Variants in DOCK5 observed in about 807,000 individuals in gnomAD.
DOCK5 encodes dedicator of cytokinesis protein 5.
In DOCK5, 142 loss-of-function variants were observed where a neutral mutation model predicts 251.8. The observed-to-expected ratio is 0.56, with a 90% confidence interval of 0.49 to 0.65. The LOEUF is 0.65. Ranked by LOEUF, DOCK5 falls within the 30% of genes least tolerant of loss-of-function variation. The pLI, the probability that DOCK5 is intolerant of heterozygous loss-of-function variation, is 0.00. For synonymous variants in DOCK5, 842 were observed against 835.5 expected (o/e 1.01, Z -0.13); for missense variants, 2,111 against 2,312.3 (o/e 0.91, Z 1.79).
rs145522698 is a variant in DOCK5, at chr8:25,405,850, A to G, written c.5093+2126A>G. Among the ~76,000 whole-genome samples the G allele has an allele frequency of 3.4e-3, 515 of 152,358 alleles. 2 individuals carry two copies. Among genetic ancestry groups the G allele is most frequent in the South Asian group, 0.028 (134 of 4,828 alleles). On this transcript the variant is annotated intron_variant, in intron 48 of 51. Coordinates refer to ENST00000276440, the MANE Select transcript of DOCK5 (RefSeq NM_024940.8). ...TATATTTAAATAATATATTGCTAAAATACAGGAAAGGTTTAAAAGAAAACA... is the reference window on the plus strand; with the variant it reads ...TATATTTAAATAATATATTGCTAAAGTACAGGAAAGGTTTAAAAGAAAACA...
At chr8:25,288,106 G>A (rs1281397852) in intron 5 of DOCK5, among the ~76,000 whole-genome samples, 2 of 151,970 alleles carry the variant, frequency 1.3e-5, no homozygotes, top group Non-Finnish European at 1.5e-5. Context: ...GGCTGGTCTC[G>A]AACTCCTGAC....
intron 11 of DOCK5, among the ~76,000 whole-genome samples, chr8:25,305,987 T>C (rs995765192): frequency 2.0e-5 from 3 of 152,152 alleles, no homozygotes; most frequent in Admixed American, 2.0e-4. Flanking sequence ...AATCTTTCAA[T>C]GTTAAGTCCA....
intron 30 of DOCK5, among the ~76,000 whole-genome samples, chr8:25,365,741 C>T (rs1432814401): frequency 6.6e-6 from 1 of 152,160 alleles, no homozygotes; most frequent in African/African-American, 2.4e-5. Context: ...CCTTTTGTTA[C>T]TTGGGTGTGG....
rs147811873 is a variant in DOCK5 at position 25,321,047 on chromosome 8, A to G, written c.1610A>G (p.Gln537Arg). 4.3e-6 allele frequency: 7 copies of G among 1,611,994 alleles called. No homozygotes were observed. The African/African-American group carries it at 9.3e-5, about 21-fold the overall frequency. The change falls in exon 16 of 52, where the codon CAG becomes CGG. Residue 537 changes from glutamine to arginine, a missense_variant. Transcript: ENST00000276440. ...TTTACCTTCCGACACAGGTCATCTCAGGAAAGTAAGTATTAAGACGTCTAT... is the reference window on the plus strand; with the variant it reads ...TTTACCTTCCGACACAGGTCATCTCGGGAAAGTAAGTATTAAGACGTCTAT... ...IRFTFRHRSSQETRDKSERAF... is the reference protein window; with the variant it reads ...IRFTFRHRSSRETRDKSERAF...
At chr8:25,279,533 C>G (rs1804134197) in intron 5 of DOCK5, among the ~76,000 whole-genome samples, 1 of 151,422 alleles carries the variant, frequency 6.6e-6, no homozygotes, top group African/African-American at 2.4e-5. Context: ...GTGGCGCTGT[C>G]CCGGCTCACT....
intron 1 of DOCK5, among the ~76,000 whole-genome samples, chr8:25,205,031 T>TA (rs1554516546): frequency 0.036 from 5,525 of 151,448 alleles, 225 homozygotes; most frequent in Admixed American, 0.12. Context: ...GTGCTTTTTT[T>TA]AAAAAAAATT....
rs1586337295 is a variant in DOCK5, at chr8:25,333,486, C to T, written c.2092-610C>T. On this transcript the variant is annotated intron_variant, in intron 20 of 51. Transcript: ENST00000276440. ...GAAAGAGAGACAGTGGTTATGGTTG[C>T]TGTGGGACAAGGTCTGGAAACAGAT... Among the ~76,000 whole-genome samples the T allele has an allele frequency of 2.0e-5, 3 of 152,282 alleles. No individual in the cohort carries two copies. The South Asian group carries it at 6.2e-4, about 32-fold the overall frequency.
At chr8:25,311,205 C>T (rs1445469519) in intron 13 of DOCK5, among the ~76,000 whole-genome samples, 1 of 152,162 alleles carries the variant, frequency 6.6e-6, no homozygotes, top group Non-Finnish European at 1.5e-5. Flanking sequence ...GAATTTTATA[C>T]ATATTGCTAT....
rs34206435 is a variant in DOCK5, at chr8:25,210,080, T to TTATCTATCTATC, written c.43+25174_43+25185dup. Reference sequence around the variant, plus strand: ...TGTGTGTGTGTGTGTATCTGTCTATTTATCTATCTATCTATCTATCTATCT... The same window carrying TTATCTATCTATC: ...TGTGTGTGTGTGTGTATCTGTCTATTTATCTATCTATCTATCTATCTATCTATCTATCTATCT... On this transcript the variant is annotated intron_variant, in intron 1 of 51. Transcript: ENST00000276440. Among the ~76,000 whole-genome samples, 4 of 26,306 alleles carry TTATCTATCTATC rather than the reference T, an allele frequency of 1.5e-4. 1 individual carries two copies. In the Admixed American group the frequency reaches 1.6e-3, roughly 10 times the overall value. 17.3% of individuals were successfully genotyped at this position (26,306 alleles called of 152,430 possible). A position where few individuals can be genotyped will look rare whatever the true frequency, so the allele number is the denominator to read the frequency against.
chr8:25,403,306 A>T (rs1329928539), intron 47 of DOCK5, among the ~76,000 whole-genome samples: 2 of 152,224 alleles, frequency 1.3e-5, no homozygotes, highest in Admixed American at 6.5e-5. Flanking sequence ...GGTAGCAGAA[A>T]ATTATGACAA....
rs147518261 is a variant in DOCK5, at chr8:25,187,315, ATATG to A, written c.43+2366_43+2369del. 9.0e-3 allele frequency among the ~76,000 whole-genome samples: 1,339 copies of A among 148,514 alleles called. 17 individuals carry two copies. Among genetic ancestry groups the A allele is most frequent in the African/African-American group, 0.032 (1,255 of 39,806 alleles). On this transcript the variant is annotated intron_variant, in intron 1 of 51. Coordinates refer to ENST00000276440, the MANE Select transcript of DOCK5 (RefSeq NM_024940.8). ...TATACATATATATGTATATATGCGT[ATATG>A]TGTGTGTGTGTATATATATATGTAT...
intron 27 of DOCK5, among the ~76,000 whole-genome samples, chr8:25,354,499 C>G (rs908564014): frequency 5.9e-5 from 9 of 152,128 alleles, no homozygotes; most frequent in African/African-American, 2.2e-4. Flanking sequence ...AAGGGAAGGG[C>G]AGGACTGGAT....
At chr8:25,376,426 A>G (rs569758188) in intron 37 of DOCK5, 280 of 954,870 alleles carry the variant, frequency 2.9e-4, no homozygotes, top group Middle Eastern at 1.1e-3. Context: ...TAGATTGTAT[A>G]TGCTTTTACG....
intron 34 of DOCK5, among the ~76,000 whole-genome samples, chr8:25,370,603 C>G (rs1272537000): frequency 6.6e-6 from 1 of 151,980 alleles, no homozygotes; most frequent in Non-Finnish European, 1.5e-5. Context: ...CTCCTGGGCT[C>G]AAGCAGTCCT....
intron 1 of DOCK5, among the ~76,000 whole-genome samples, chr8:25,236,587 T>A (rs1802803036): frequency 6.6e-6 from 1 of 152,090 alleles, no homozygotes; most frequent in Non-Finnish European, 1.5e-5. Context: ...CCATCTTTTT[T>A]TTATTTTTTT....
chr8:25,214,035 C>T (rs1357470366), intron 1 of DOCK5, among the ~76,000 whole-genome samples: 1 of 152,162 alleles, frequency 6.6e-6, no homozygotes, highest in East Asian at 1.9e-4. Context: ...ACCTTATGCA[C>T]GTAGCCTGAA....
At chr8:25,194,960 G>A (rs879629483) in intron 1 of DOCK5, among the ~76,000 whole-genome samples, 6 of 151,474 alleles carry the variant, frequency 4.0e-5, no homozygotes, top group Admixed American at 1.3e-4. Flanking sequence ...TCGCTCTGTC[G>A]CCCAGACTGG....
chr8:25,373,660 TA>T lies in DOCK5; in HGVS notation c.3725+4del. The T allele has an allele frequency of 1.3e-6, 2 of 1,590,034 alleles. No individual in the cohort carries two copies. Among genetic ancestry groups the T allele is most frequent in the Admixed American group, 1.8e-5 (1 of 55,468 alleles). On this transcript the variant is annotated splice_donor_region_variant and intron_variant, in intron 36 of 51. Transcript: ENST00000276440. ...GAAGAGAGAGGACATATACATAAGG[TA>T]AGCTGAAGGAAATTTCTTGCTTCTG...
rs545213236 is a variant in DOCK5 at position 25,324,692 on chromosome 8, G to A, written c.1720-672G>A. Among the ~76,000 whole-genome samples, 45 of 152,032 alleles carry A rather than the reference G, an allele frequency of 3.0e-4. 1 individual carries two copies. The highest frequency in any genetic ancestry group is 6.5e-5 in the Admixed American group (1 of 15,270). ...AAGTTTTAGGGTACATGTGCACAAC[G>A]TGCAGGTTTGTTACAGATGTATACA... On this transcript the variant is annotated intron_variant, in intron 17 of 51. Transcript: ENST00000276440.
Sources: allele counts gnomAD v4.1 joint callset (sites outside exome capture counted in the v4.1 genomes callset), GRCh38; gene constraint gnomAD v4.1.1; transcripts MANE v1.5; gene names NCBI Gene and HGNC (gene_info 2026-07-23, HGNC 2026-07-21).